The following PTK2 variants were observed in gnomAD, a reference collection of about 807,000 sequenced individuals.
The protein encoded by PTK2 is focal adhesion kinase 1.
Under a neutral mutation model 150.1 loss-of-function variants are expected in PTK2, and 45 were observed. The ratio of observed to expected loss-of-function variants is 0.30; its 90% confidence interval spans 0.24 to 0.38. The LOEUF is 0.38. PTK2 is among the 10% of genes least tolerant of loss of function. The pLI is 1.00. For missense variants in PTK2, 919 were observed against 1,307.3 expected, an observed-to-expected ratio of 0.70 and a Z score of 4.58; for synonymous variants, 432 against 449.2, an observed-to-expected ratio of 0.96 and a Z score of 0.48.
chr8:140,963,842 C>A (rs1038573023), intron 1 of PTK2, among the ~76,000 whole-genome samples: 1 of 151,994 alleles, frequency 6.6e-6, no homozygotes, highest in East Asian at 1.9e-4. Flanking sequence ...CCAGGGGGAA[C>A]AGGGAAGAGG....
chr8:140,948,045 T>C (rs1015558258), intron 1 of PTK2, among the ~76,000 whole-genome samples: 1 of 152,154 alleles, frequency 6.6e-6, no homozygotes, highest in Non-Finnish European at 1.5e-5. Context: ...GTACTTCAGT[T>C]CTGAATTCCT....
chr8:140,732,580 T>C, intron 22 of PTK2: 1 of 530,708 alleles, frequency 1.9e-6, no homozygotes, highest in Non-Finnish European at 3.9e-6. Context: ...AGTATGACCA[T>C]CCCTGTCCTC....
At chr8:140,885,931 T>C (rs2100152094) in intron 3 of PTK2, among the ~76,000 whole-genome samples, 1 of 152,128 alleles carries the variant, frequency 6.6e-6, no homozygotes, top group Non-Finnish European at 1.5e-5. Flanking sequence ...TCATTCTGGC[T>C]GCTGGGTTGT....
intron 14 of PTK2, among the ~76,000 whole-genome samples, chr8:140,766,783 A>G (rs1349529649): frequency 6.6e-6 from 1 of 152,244 alleles, no homozygotes; most frequent in Non-Finnish European, 1.5e-5. Flanking sequence ...GACAAAATAC[A>G]CAAGCCCATT....
At chr8:140,785,281 T>C (rs1293386537) in intron 14 of PTK2, among the ~76,000 whole-genome samples, 1 of 152,204 alleles carries the variant, frequency 6.6e-6, no homozygotes, top group Non-Finnish European at 1.5e-5. Context: ...CACACCTCCA[T>C]ACCTTACTCA....
chr8:140,694,650 G>A (rs1030659187), intron 26 of PTK2, among the ~76,000 whole-genome samples: 1 of 152,120 alleles, frequency 6.6e-6, no homozygotes, highest in African/African-American at 2.4e-5. Context: ...CAAGGACACA[G>A]ACCAATAGCT....
chr8:140,692,798 A>T (rs1481687894), intron 26 of PTK2, among the ~76,000 whole-genome samples: 1 of 152,228 alleles, frequency 6.6e-6, no homozygotes, highest in African/African-American at 2.4e-5. Flanking sequence ...AAAAAATAGG[A>T]GAGCTGTTGG....
chr8:140,977,190 G>A (rs2100189570), intron 1 of PTK2, among the ~76,000 whole-genome samples: 1 of 152,090 alleles, frequency 6.6e-6, no homozygotes, highest in South Asian at 2.1e-4. Flanking sequence ...AGGAGCTAGA[G>A]ACCAAGTTTG....
At position 140,779,251 on chromosome 8, in the gene PTK2, AAAAAAAAAG is replaced by A. The variant is rs1453624752; in HGVS notation, c.1177+10214_1177+10222del. Among the ~76,000 whole-genome samples the A allele has an allele frequency of 2.5e-4, 26 of 104,318 alleles. No individual in the cohort carries two copies. In the East Asian group the frequency reaches 3.1e-3, roughly 12 times the overall value. 68.4% of individuals were successfully genotyped at this position (104,318 alleles called of 152,430 possible). A position where few individuals can be genotyped will look rare whatever the true frequency, so the allele number is the denominator to read the frequency against. ...CACTCCAGCCTGGGCGATGGAAAAA[AAAAAAAAAG>A]AAAAAAAAAAAAAGAAGACATGCTG... On this transcript the variant is annotated intron_variant, in intron 14 of 31. Coordinates refer to ENST00000522684, the Ensembl canonical transcript of PTK2.
At chr8:140,808,306 C>T (rs1230878664) in intron 10 of PTK2, among the ~76,000 whole-genome samples, 1 of 151,986 alleles carries the variant, frequency 6.6e-6, no homozygotes, top group Non-Finnish European at 1.5e-5. Context: ...ATGAAGTTCA[C>T]CCATGGGAGG....
intron 21 of PTK2, among the ~76,000 whole-genome samples, chr8:140,735,827 CA>C (rs1418380168): frequency 1.6e-4 from 25 of 152,192 alleles, no homozygotes; most frequent in African/African-American, 6.0e-4. Context: ...ATAATTAGAG[CA>C]GCTGACCTGA....
intron 23 of PTK2, among the ~76,000 whole-genome samples, chr8:140,712,863 G>A (rs1043104250): frequency 6.6e-6 from 1 of 152,150 alleles, no homozygotes; most frequent in African/African-American, 2.4e-5. Context: ...ACAAACAGTT[G>A]TTTTCTTCAA....
At chr8:140,905,236 G>A (rs1032478428) in intron 2 of PTK2, among the ~76,000 whole-genome samples, 1 of 152,082 alleles carries the variant, frequency 6.6e-6, no homozygotes. Flanking sequence ...TGGCAAACTG[G>A]ATAAAGAGTC....
intron 2 of PTK2, among the ~76,000 whole-genome samples, chr8:140,905,038 T>A (rs2100160304): frequency 6.6e-6 from 1 of 152,216 alleles, no homozygotes; most frequent in Admixed American, 6.5e-5. Flanking sequence ...TCTGCTAGCA[T>A]TTGAATGTGT....
intron 1 of PTK2, among the ~76,000 whole-genome samples, chr8:140,969,874 A>C (rs1340876426): frequency 2.0e-5 from 3 of 152,216 alleles, no homozygotes; most frequent in Non-Finnish European, 4.4e-5. Flanking sequence ...GGGAAGCCAG[A>C]ACTACATTTC....
At chr8:140,801,175 C>T (rs1318528978) in intron 11 of PTK2, among the ~76,000 whole-genome samples, 4 of 152,136 alleles carry the variant, frequency 2.6e-5, no homozygotes, top group Non-Finnish European at 4.4e-5. Context: ...AGAAGAGTGA[C>T]GAGGCATCAG....
chr8:140,752,432 G>A, intron 16 of PTK2, 116 bp from the exon 20 acceptor site: 1 of 817,284 alleles, frequency 1.2e-6, no homozygotes, highest in East Asian at 2.6e-5. Flanking sequence ...GACAGAATCA[G>A]AACGGCAAAA....
intron 22 of PTK2, among the ~76,000 whole-genome samples, chr8:140,729,793 C>T (rs1419826004): frequency 6.6e-6 from 1 of 152,198 alleles, no homozygotes; most frequent in African/African-American, 2.4e-5. Flanking sequence ...AGCATGACAG[C>T]TTATAGCTCA....
chr8:140,953,701 T>G (rs1569455562), intron 1 of PTK2, among the ~76,000 whole-genome samples: 1 of 152,072 alleles, frequency 6.6e-6, no homozygotes, highest in Non-Finnish European at 1.5e-5. Context: ...AACCACAGAC[T>G]GGGGGGAGGG....
Sources: allele counts gnomAD v4.1 joint callset (sites outside exome capture counted in the v4.1 genomes callset), GRCh38; gene constraint gnomAD v4.1.1; transcripts MANE v1.5; gene names NCBI Gene and HGNC (gene_info 2026-07-23, HGNC 2026-07-21).